The following DACH1 variants were observed in gnomAD, a reference collection of about 807,000 sequenced individuals.
The protein encoded by DACH1 is dachshund homolog 1.
In DACH1, 12 loss-of-function variants were observed where a neutral mutation model predicts 54.2. The observed-to-expected ratio is 0.22, with a 90% CI of 0.14 to 0.36. DACH1 has a LOEUF of 0.36. Ranked by LOEUF, DACH1 falls within the 10% of genes least tolerant of loss-of-function variation. The pLI is 1.00. For missense variants in DACH1, 805 were observed against 929.8 expected (o/e 0.87, Z 1.75); for synonymous variants, 386 against 366.2 (o/e 1.05, Z -0.62).
chr13:71,815,957 C>T (rs991914886), intron 1 of DACH1, among the ~76,000 whole-genome samples: 27 of 151,702 alleles, frequency 1.8e-4, no homozygotes, highest in African/African-American at 4.8e-4. Flanking sequence ...TGGTAGCGGG[C>T]GCCTGTAGTC....
chr13:71,798,376 A>G, intron 1 of DACH1, among the ~76,000 whole-genome samples: 1 of 120,328 alleles, frequency 8.3e-6, no homozygotes, highest in South Asian at 2.5e-4. Flanking sequence ...ATTACCTATA[A>G]TTTTTTTTCA....
rs1036058759 is a variant in DACH1, at chr13:71,865,858, G to A, written c.848+64C>T. The A allele has an allele frequency of 8.3e-6, 12 of 1,442,266 alleles. No homozygotes were observed. In the African/African-American group the frequency reaches 1.8e-4, roughly 21 times the overall value. The allele number at this position is 1,442,266 out of a possible 1,614,324, so 89.3% of individuals were successfully genotyped here. On this transcript the variant is annotated intron_variant, in intron 1 of 10. Coordinates refer to ENST00000613252, the MANE Select transcript of DACH1 (RefSeq NM_080759.6). ...GAGCGAGCGGCGCCGGGAAAGGAGCGAGGGCAGGCGAGCAGGCTGGTGGGA... is the reference window on the plus strand; with the variant it reads ...GAGCGAGCGGCGCCGGGAAAGGAGCAAGGGCAGGCGAGCAGGCTGGTGGGA...
rs1361608901 is a variant in DACH1, at chr13:71,675,262, C to T, written c.964+6533G>A. On this transcript the variant is annotated intron_variant, in intron 2 of 10. Coordinates refer to ENST00000613252, the MANE Select transcript of DACH1 (RefSeq NM_080759.6). ...CACTGAACTTCTGATTCGCAGACTTCCCTTCCAGAGTCTGGTGCGAGAAAT... is the reference window on the plus strand; with the variant it reads ...CACTGAACTTCTGATTCGCAGACTTTCCTTCCAGAGTCTGGTGCGAGAAAT... The T allele has an allele frequency of 1.9e-6, 3 of 1,586,324 alleles. No homozygotes were observed. The African/African-American group carries it at 4.1e-5, about 21-fold the overall frequency.
At chr13:71,554,491 G>C (rs1240880471) in intron 6 of DACH1, among the ~76,000 whole-genome samples, 1 of 152,090 alleles carries the variant, frequency 6.6e-6, no homozygotes. Flanking sequence ...TAGTGATATA[G>C]TAAGTTTTTA....
chr13:71,812,009 A>T (rs1293193795), intron 1 of DACH1, among the ~76,000 whole-genome samples: 3 of 152,110 alleles, frequency 2.0e-5, no homozygotes, highest in Admixed American at 1.3e-4. Flanking sequence ...TTAAAAACTG[A>T]CTTACAAATT....
At chr13:71,574,844 C>T (rs1327228583) in intron 3 of DACH1, among the ~76,000 whole-genome samples, 4 of 152,080 alleles carry the variant, frequency 2.6e-5, no homozygotes, top group African/African-American at 7.2e-5. Context: ...AAAGAAATTT[C>T]TCCAGCTTGC....
At chr13:71,861,044 G>A (rs889880134) in intron 1 of DACH1, among the ~76,000 whole-genome samples, 1 of 151,822 alleles carries the variant, frequency 6.6e-6, no homozygotes, top group African/African-American at 2.4e-5. Flanking sequence ...CACATCTCAG[G>A]GAGTTGGGGG....
chr13:71,654,794 T>C (rs1197564789), intron 2 of DACH1, among the ~76,000 whole-genome samples: 1 of 152,210 alleles, frequency 6.6e-6, no homozygotes, highest in African/African-American at 2.4e-5. Flanking sequence ...ACAGTGATTA[T>C]ATGACAGATG....
chr13:71,660,953 T>C (rs1879444194), intron 2 of DACH1, among the ~76,000 whole-genome samples: 1 of 150,254 alleles, frequency 6.7e-6, no homozygotes. Flanking sequence ...GAGAGTATTA[T>C]GGATAAAGTG....
chr13:71,499,128 C>G (rs1302683422), intron 6 of DACH1, among the ~76,000 whole-genome samples: 2 of 41,430 alleles, frequency 4.8e-5, no homozygotes, highest in East Asian at 1.5e-3. Context: ...CACACACACA[C>G]ACACGCAGAC....
At position 71,495,694 on chromosome 13, in the gene DACH1, T is replaced by C. The variant is rs193066014; in HGVS notation, c.1571-6546A>G. 7.2e-5 allele frequency among the ~76,000 whole-genome samples: 11 copies of C among 152,236 alleles called. No homozygotes were observed. The East Asian group carries it at 2.1e-3, about 29-fold the overall frequency. On this transcript the variant is annotated intron_variant, in intron 6 of 10. Transcript: ENST00000613252. ...ATGAGGGTGTAAAGGAAAGGGAATA[T>C]TTATACATTATGGTGAGAATGTAAA...
chr13:71,459,946 T>C (rs1376621085), intron 10 of DACH1, among the ~76,000 whole-genome samples: 1 of 152,040 alleles, frequency 6.6e-6, no homozygotes, highest in Admixed American at 6.6e-5. Context: ...GGAAAGGTTT[T>C]TGCATTTTTT....
At chr13:71,527,835 A>G (rs6562674) in intron 6 of DACH1, among the ~76,000 whole-genome samples, 143,044 of 152,136 alleles carry the variant, frequency 0.94, 67,883 homozygotes, top group East Asian at 1. Context: ...AAAGGTAGTA[A>G]AAACTAAACA....
At chr13:71,651,749 C>T (rs989518749) in intron 2 of DACH1, among the ~76,000 whole-genome samples, 1 of 151,948 alleles carries the variant, frequency 6.6e-6, no homozygotes, top group East Asian at 2.0e-4. Context: ...TGTGCATATA[C>T]ATGAAATGTA....
chr13:71,555,125 T>C (rs1884155267), intron 6 of DACH1, among the ~76,000 whole-genome samples: 1 of 152,154 alleles, frequency 6.6e-6, no homozygotes, highest in Non-Finnish European at 1.5e-5. Flanking sequence ...ATTAACTTCC[T>C]TCTTATGCAT....
intron 4 of DACH1, among the ~76,000 whole-genome samples, chr13:71,567,686 A>T (rs1426912780): frequency 3.3e-5 from 5 of 152,068 alleles, no homozygotes; most frequent in African/African-American, 1.2e-4. Context: ...CTGTTATTAC[A>T]TAAAATACAA....
Position 71,777,029 on chromosome 13 carries a change from A to G in DACH1, c.848+88893T>C, listed in dbSNP as rs1451882718. 2.6e-5 allele frequency among the ~76,000 whole-genome samples: 4 copies of G among 152,128 alleles called. No individual in the cohort carries two copies. The East Asian group carries it at 7.7e-4, about 29-fold the overall frequency. ...TTCATAGTTTTCTGTCTTATCCCAA[A>G]TTATGCTATCTATTCTTTCAGCTTC... is the stretch of plus-strand genomic sequence containing the variant. On this transcript the variant is annotated intron_variant, in intron 1 of 10. Transcript: ENST00000613252.
At chr13:71,586,196 A>T (rs1253126823) in intron 3 of DACH1, among the ~76,000 whole-genome samples, 2 of 152,178 alleles carry the variant, frequency 1.3e-5, no homozygotes, top group Admixed American at 6.5e-5. Context: ...AACTGAGTCA[A>T]CAATGTGGAG....
At chr13:71,744,752 G>T (rs1163405867) in intron 1 of DACH1, among the ~76,000 whole-genome samples, 2 of 152,078 alleles carry the variant, frequency 1.3e-5, no homozygotes, top group Non-Finnish European at 2.9e-5. Context: ...GATTTTATGA[G>T]AATCCATACA....
Sources: gnomAD v4.1 joint callset for allele counts (sites outside exome capture counted in the v4.1 genomes callset) on GRCh38, gnomAD v4.1.1 for gene constraint, MANE v1.5 for transcripts, NCBI Gene and HGNC (gene_info 2026-07-23, HGNC 2026-07-21) for gene names.